The following SLC17A5 variants were observed in gnomAD, a reference collection of about 807,000 sequenced individuals.
The protein encoded by SLC17A5 is sialin.
SLC17A5 carries 47 observed loss-of-function variants against 59.4 expected under a neutral mutation model. That is an observed-to-expected ratio of 0.79 (90% CI 0.63 to 1.01). The LOEUF (loss-of-function observed/expected upper bound fraction) is 1.01. Ranked by LOEUF, SLC17A5 falls within the 50% of genes least tolerant of loss-of-function variation. The probability of loss-of-function intolerance (pLI) is 0.00; values close to 1 mark genes in which losing one functional copy is unlikely to be tolerated. For missense variants in SLC17A5, 522 were observed against 595.5 expected, an observed-to-expected ratio of 0.88 and a Z score of 1.28; for synonymous variants, 202 against 210.7, an observed-to-expected ratio of 0.96 and a Z score of 0.36.
At chr6:73,601,950 C>A (rs1465454293) in intron 9 of SLC17A5, among the ~76,000 whole-genome samples, 1 of 151,938 alleles carries the variant, frequency 6.6e-6, no homozygotes, top group Non-Finnish European at 1.5e-5. Flanking sequence ...CCCAACAGCT[C>A]ATTGAGAACG....
In SLC17A5 at chr6:73,595,086, G is replaced by T; in HGVS notation, c.1479C>A (p.His493Gln). Reference sequence around the variant, plus strand: ...TTATTTATTGGTTCCTTCAGTGTCTGTGTCCATGGTGATCATTGAGAGCCC... The same window carrying T: ...TTATTTATTGGTTCCTTCAGTGTCTTTGTCCATGGTGATCATTGAGAGCCC... ...QNWALNDHHGHRH is the reference protein window; with the variant it reads ...QNWALNDHHGQRH The change falls in exon 11 of 11, where the codon CAC (histidine) becomes CAA (glutamine). Residue 493 changes from histidine to glutamine, a missense_variant. His to Gln is a conservative substitution (Grantham distance 24, BLOSUM62 0). Around this residue, in one of 3 missense-constraint regions of SLC17A5, gnomAD observed 153 missense variants for 168.5 expected, o/e 0.91. Transcript: ENST00000355773. The T allele has an allele frequency of 6.2e-7, 1 of 1,614,094 alleles. No individual in the cohort carries two copies. Among genetic ancestry groups the T allele is most frequent in the Non-Finnish European group, 8.5e-7 (1 of 1,179,982 alleles).
chr6:73,653,329 C>G, intron 1 of SLC17A5: 2 of 985,480 alleles, frequency 2.0e-6, no homozygotes, highest in Non-Finnish European at 2.4e-6. Flanking sequence ...GGACAGCCCT[C>G]TGCCTACTGA....
intron 8 of SLC17A5, among the ~76,000 whole-genome samples, chr6:73,611,533 C>A (rs908282617): frequency 1.1e-4 from 17 of 151,734 alleles, no homozygotes; most frequent in Admixed American, 7.2e-4. Flanking sequence ...ACCCACCTTG[C>A]CTCCCAAAGT....
At chr6:73,630,276 C>T (rs1036248624) in intron 6 of SLC17A5, among the ~76,000 whole-genome samples, 1 of 152,158 alleles carries the variant, frequency 6.6e-6, no homozygotes, top group African/African-American at 2.4e-5. Flanking sequence ...CAGGTGTGAG[C>T]CACCGTACCC....
chr6:73,599,131 G>C (rs1271334972), intron 10 of SLC17A5, among the ~76,000 whole-genome samples: 1 of 152,188 alleles, frequency 6.6e-6, no homozygotes, highest in Non-Finnish European at 1.5e-5. Context: ...GCAGTGAGCT[G>C]AGACTGCACC....
intron 9 of SLC17A5, among the ~76,000 whole-genome samples, chr6:73,608,854 A>C (rs1767516266): frequency 6.6e-6 from 1 of 152,066 alleles, no homozygotes; most frequent in South Asian, 2.1e-4. Flanking sequence ...CATCTCTACA[A>C]AATATTTTTT....
chr6:73,649,622 T>C (rs913038238), intron 1 of SLC17A5, among the ~76,000 whole-genome samples: 1 of 152,168 alleles, frequency 6.6e-6, no homozygotes, highest in East Asian at 1.9e-4. Flanking sequence ...CAAATATTAC[T>C]AAGCATTTTC....
At chr6:73,608,299 T>A (rs1767488672) in intron 9 of SLC17A5, among the ~76,000 whole-genome samples, 1 of 152,124 alleles carries the variant, frequency 6.6e-6, no homozygotes, top group East Asian at 1.9e-4. Flanking sequence ...TCAGTTTGGG[T>A]CAACCAAAAT....
At chr6:73,641,442 T>G (rs1266104178) in intron 3 of SLC17A5, among the ~76,000 whole-genome samples, 1 of 152,210 alleles carries the variant, frequency 6.6e-6, no homozygotes. Context: ...TGAAGTCTCT[T>G]TTGGAAAAAA....
At chr6:73,601,483 G>A (rs1243845895) in intron 9 of SLC17A5, among the ~76,000 whole-genome samples, 1 of 139,098 alleles carries the variant, frequency 7.2e-6, no homozygotes, top group Non-Finnish European at 1.6e-5. Flanking sequence ...ACCCCGCCTG[G>A]CCAGCCGCCC....
At chr6:73,631,213 A>C (rs1768692357) in intron 6 of SLC17A5, among the ~76,000 whole-genome samples, 1 of 151,424 alleles carries the variant, frequency 6.6e-6, no homozygotes, top group African/African-American at 2.4e-5. Context: ...GTGAGCTGAG[A>C]TCACCCCACT....
At chr6:73,650,952 A>G (rs1403142732) in intron 1 of SLC17A5, among the ~76,000 whole-genome samples, 4 of 152,226 alleles carry the variant, frequency 2.6e-5, no homozygotes, top group Non-Finnish European at 4.4e-5. Context: ...TAAGACAGAC[A>G]GACTCATAAT....
chr6:73,613,346 C>A (rs772037154), intron 8 of SLC17A5, among the ~76,000 whole-genome samples: 7 of 150,816 alleles, frequency 4.6e-5, no homozygotes, highest in Admixed American at 2.0e-4. Context: ...AATTATAAGC[C>A]ATGGTGGAGA....
At chr6:73,645,153 A>T in intron 1 of SLC17A5, 1 of 170,566 alleles carries the variant, frequency 5.9e-6, no homozygotes, top group Non-Finnish European at 1.2e-5. Context: ...CATGGTCAAT[A>T]AGTACTTGAG....
intron 3 of SLC17A5, among the ~76,000 whole-genome samples, chr6:73,638,805 T>TA (rs3834307): frequency 0.22 from 32,279 of 146,870 alleles, 3,577 homozygotes; most frequent in Non-Finnish European, 0.25. Flanking sequence ...CACCATCTCT[T>TA]AAAAAAAAAA....
chr6:73,653,537 G>C, intron 1 of SLC17A5: 1 of 929,230 alleles, frequency 1.1e-6, no homozygotes, highest in Non-Finnish European at 1.3e-6. Flanking sequence ...CGCCCGGTGG[G>C]GCTGCACCTG....
intron 1 of SLC17A5, among the ~76,000 whole-genome samples, chr6:73,651,458 C>A (rs1399537293): frequency 5.7e-4 from 22 of 38,362 alleles, no homozygotes; most frequent in South Asian, 7.7e-4. Flanking sequence ...AAAACTCCGT[C>A]TCAAAAAAAA....
intron 9 of SLC17A5, among the ~76,000 whole-genome samples, chr6:73,601,907 T>G (rs1767135566): frequency 6.6e-6 from 1 of 150,562 alleles, no homozygotes; most frequent in Non-Finnish European, 1.5e-5. Context: ...GAGGAGCCCC[T>G]CTGCCCGGCC....
At chr6:73,604,686 G>A (rs1460779624) in intron 9 of SLC17A5, among the ~76,000 whole-genome samples, 3 of 152,140 alleles carry the variant, frequency 2.0e-5, no homozygotes, top group South Asian at 2.1e-4. Flanking sequence ...GATTGCTTGC[G>A]ACTGCAGTGA....
Sources: gnomAD v4.1 joint callset for allele counts (sites outside exome capture counted in the v4.1 genomes callset) on GRCh38, gnomAD v4.1.1 for gene constraint, gnomAD v4.1.1 regional missense constraint, MANE v1.5 for transcripts, NCBI Gene and HGNC (gene_info 2026-07-23, HGNC 2026-07-21) for gene names.